The following NEXN variants were observed in gnomAD, a reference collection of about 807,000 sequenced individuals.
The protein encoded by NEXN is nexilin.
Under a neutral mutation model 92.6 loss-of-function variants are expected in NEXN, and 65 were observed. The observed-to-expected ratio is 0.70, with a 90% CI of 0.57 to 0.86. The LOEUF (loss-of-function observed/expected upper bound fraction) is 0.86. NEXN is among the 40% of genes least tolerant of loss of function. The probability of loss-of-function intolerance (pLI) is 0.00; values close to 1 mark genes in which losing one functional copy is unlikely to be tolerated. For missense variants in NEXN, 778 were observed against 771.1 expected (o/e 1.01, Z -0.11); for synonymous variants, 254 against 242.5 (o/e 1.05, Z -0.44).
intron 1 of NEXN, among the ~76,000 whole-genome samples, chr1:77,899,257 C>A (rs1295085485): frequency 3.3e-5 from 5 of 151,700 alleles, no homozygotes; most frequent in Non-Finnish European, 5.9e-5. Context: ...TGGAACCAAC[C>A]CAAATGTCCA....
rs1571152502 is a variant in NEXN, at chr1:77,934,006, TTTTAA to T, written c.1251+531_1251+535del. Among the ~76,000 whole-genome samples the T allele has an allele frequency of 7.8e-5, 7 of 89,316 alleles. No individual in the cohort carries two copies. In the East Asian group the frequency reaches 1.8e-3, roughly 23 times the overall value. The allele number at this position is 89,316 out of a possible 152,430, so 58.6% of individuals were successfully genotyped here. On this transcript the variant is annotated intron_variant, in intron 10 of 12. Transcript: ENST00000334785. Reference sequence around the variant, plus strand: ...GCACGCAGCACCATGTCTGGCTAATTTTTAATTTTTTTTTTTTTTTTGAGATGGAG... The same window carrying T: ...GCACGCAGCACCATGTCTGGCTAATTTTTTTTTTTTTTTTTTGAGATGGAG...
chr1:77,914,142 A>C (rs1648785447), intron 1 of NEXN, among the ~76,000 whole-genome samples: 2 of 152,214 alleles, frequency 1.3e-5, no homozygotes, highest in Non-Finnish European at 2.9e-5. Context: ...GCTCTGTGCA[A>C]TACTGTAATG....
intron 9 of NEXN, among the ~76,000 whole-genome samples, chr1:77,930,325 A>T (rs1488056895): frequency 6.6e-6 from 1 of 152,146 alleles, no homozygotes; most frequent in Non-Finnish European, 1.5e-5. Context: ...ACCAGTCACT[A>T]AGTCTCGTTT....
chr1:77,905,254 G>A (rs894981810), intron 1 of NEXN, among the ~76,000 whole-genome samples: 2 of 45,202 alleles, frequency 4.4e-5, no homozygotes, highest in African/African-American at 8.4e-5. Flanking sequence ...GTGAGACTCC[G>A]TCTCAAAAAA....
intron 5 of NEXN, among the ~76,000 whole-genome samples, chr1:77,921,874 A>T (rs1207751887): frequency 6.6e-6 from 1 of 152,078 alleles, no homozygotes; most frequent in African/African-American, 2.4e-5. Flanking sequence ...AGATTGCACC[A>T]CTGTACTCAA....
chr1:77,913,556 T>G (rs1188810892), intron 1 of NEXN, among the ~76,000 whole-genome samples: 4 of 152,008 alleles, frequency 2.6e-5, no homozygotes, highest in African/African-American at 9.7e-5. Flanking sequence ...TTAATATATA[T>G]TCAAGGAAAT....
intron 1 of NEXN, among the ~76,000 whole-genome samples, chr1:77,896,328 C>G (rs1009670700): frequency 6.6e-6 from 1 of 152,112 alleles, no homozygotes; most frequent in African/African-American, 2.4e-5. Flanking sequence ...TTGGGTTCAT[C>G]CTTTTTTATT....
chr1:77,908,758 T>C (rs1571093241), intron 1 of NEXN, among the ~76,000 whole-genome samples: 1 of 152,036 alleles, frequency 6.6e-6, no homozygotes, highest in African/African-American at 2.4e-5. Context: ...CTAAATAGAG[T>C]AAATTCTAGT....
In NEXN at chr1:77,918,188, C is replaced by T. The variant is rs755475702; in HGVS notation, c.362C>T (p.Thr121Met). 19 of 1,613,106 alleles carry T rather than the reference C, an allele frequency of 1.2e-5. 1 individual carries two copies. Among genetic ancestry groups the T allele is most frequent in the Admixed American group, 6.7e-5 (4 of 59,924 alleles). Residue 121 changes from threonine to methionine, a missense_variant, in exon 5 of 13, where the codon ACG becomes ATG. Physicochemically the swap from Thr to Met is moderately conservative, Grantham distance 81. Around this residue, in one of 3 missense-constraint regions of NEXN, gnomAD observed 236 missense variants for 265.6 expected, o/e 0.89. Coordinates refer to ENST00000334785, the MANE Select transcript of NEXN (RefSeq NM_144573.4). The part of the protein sequence containing the change: ...KQRQEEQRKR[T>M]EEERKRRIEQ... ...AGACAAGAGGAACAAAGGAAGAGAA[C>T]GGAGGAGGAACGAAAACGCAGAATT...
At chr1:77,904,258 G>T (rs1398998755) in intron 1 of NEXN, among the ~76,000 whole-genome samples, 2 of 152,164 alleles carry the variant, frequency 1.3e-5, no homozygotes, top group Non-Finnish European at 2.9e-5. Context: ...CTCCCAAAAT[G>T]CTGGGATTAC....
chr1:77,911,535 T>C (rs951406589), intron 1 of NEXN, among the ~76,000 whole-genome samples: 2 of 151,750 alleles, frequency 1.3e-5, no homozygotes, highest in Non-Finnish European at 2.9e-5. Context: ...GAGGTTGCAG[T>C]GAGCCGAGAT....
intron 5 of NEXN, among the ~76,000 whole-genome samples, chr1:77,923,003 CTTTTTTTT>C (rs753111389): frequency 5.3e-5 from 6 of 112,384 alleles, no homozygotes; most frequent in African/African-American, 1.0e-4. Flanking sequence ...AATTGGGTGT[CTTTTTTTT>C]TTTTTTTTTT....
Position 77,926,836 on chromosome 1 carries a change from G to A in NEXN, c.808G>A (p.Ala270Thr), listed in dbSNP as rs1173709645. ...ENRKKQAEEE[A>T]RKRLEEEKRA... ...CCGAAAGAAGCAAGCTGAAGAGGAA[G>A]CAAGAAAACGTTTAGAAGAAGAGAA... is the stretch of plus-strand genomic sequence containing the variant. The change falls in exon 8 of 13, where the codon GCA (alanine) becomes ACA (threonine). Residue 270 changes from alanine to threonine, a missense_variant. Around this residue, in one of 3 missense-constraint regions of NEXN, gnomAD observed 532 missense variants for 476.7 expected, o/e 1.12. Coordinates refer to ENST00000334785, the MANE Select transcript of NEXN (RefSeq NM_144573.4). 1 of 1,613,906 alleles carries A rather than the reference G, an allele frequency of 6.2e-7. No homozygotes were observed. The highest frequency in any genetic ancestry group is 2.2e-5 in the East Asian group (1 of 44,858).
intron 1 of NEXN, among the ~76,000 whole-genome samples, chr1:77,909,568 A>G (rs952355614): frequency 1.3e-5 from 2 of 152,196 alleles, no homozygotes; most frequent in Non-Finnish European, 2.9e-5. Context: ...ACCTTAGTTC[A>G]TGACACACTC....
At chr1:77,895,292 G>T (rs549482175) in intron 1 of NEXN, among the ~76,000 whole-genome samples, 1 of 151,780 alleles carries the variant, frequency 6.6e-6, no homozygotes, top group African/African-American at 2.4e-5. Context: ...TGATCCGCCC[G>T]CCTTGGCCTC....
chr1:77,941,305 C>G (rs1039531649), intron 11 of NEXN, among the ~76,000 whole-genome samples: 1 of 152,268 alleles, frequency 6.6e-6, no homozygotes, highest in East Asian at 1.9e-4. Flanking sequence ...CCCACATTAA[C>G]CCCACTCCAC....
In NEXN at chr1:77,914,789, G is replaced by A. The variant is rs993216368; in HGVS notation, c.-52-1266G>A. ...GGAGAATCGCTTGAAACTGGAAGGC[G>A]GAGGTTGCAGTGAGCCGAGATCATG... is the stretch of plus-strand genomic sequence containing the variant. On this transcript the variant is annotated intron_variant, in intron 1 of 12. Coordinates refer to ENST00000334785, the MANE Select transcript of NEXN (RefSeq NM_144573.4). Among the ~76,000 whole-genome samples, 27 of 151,502 alleles carry A rather than the reference G, an allele frequency of 1.8e-4. 1 individual carries two copies. In the East Asian group the frequency reaches 3.1e-3, roughly 18 times the overall value.
At chr1:77,935,021 G>GT (rs931419871) in intron 10 of NEXN, among the ~76,000 whole-genome samples, 23 of 152,222 alleles carry the variant, frequency 1.5e-4, no homozygotes, top group African/African-American at 5.5e-4. Context: ...AGCCTGCACA[G>GT]TATCAGAGCC....
At chr1:77,932,732 A>G (rs1650406172) in intron 9 of NEXN, among the ~76,000 whole-genome samples, 1 of 151,840 alleles carries the variant, frequency 6.6e-6, no homozygotes, top group Non-Finnish European at 1.5e-5. Flanking sequence ...GATGGTTACC[A>G]TTTCCTTCAT....
Sources: gnomAD v4.1 joint callset for allele counts (sites outside exome capture counted in the v4.1 genomes callset) on GRCh38, gnomAD v4.1.1 for gene constraint, gnomAD v4.1.1 regional missense constraint, MANE v1.5 for transcripts, NCBI Gene and HGNC (gene_info 2026-07-23, HGNC 2026-07-21) for gene names.